The following GATD1 variants were observed in gnomAD, a reference collection of about 807,000 sequenced individuals.
The protein encoded by GATD1 is glutamine amidotransferase class 1 domain containing 1.
Under a neutral mutation model 25.9 loss-of-function variants are expected in GATD1, and 23 were observed. That is an observed-to-expected ratio of 0.89 (90% CI 0.64 to 1.26). The LOEUF (loss-of-function observed/expected upper bound fraction) is 1.26. Ranked by LOEUF, GATD1 falls within the 50% of genes most tolerant of loss-of-function variation. The pLI is 0.00. For missense variants in GATD1, 347 were observed against 312.5 expected, an observed-to-expected ratio of 1.11 and a Z score of -0.83; for synonymous variants, 177 against 134.6, an observed-to-expected ratio of 1.31 and a Z score of -2.18.
At position 770,461 on chromosome 11, in the gene GATD1, C is replaced by A. The variant is rs1394499804; in HGVS notation, c.*436G>T. On this transcript the variant is annotated 3_prime_UTR_variant, in exon 8 of 8. Coordinates refer to ENST00000319863, the MANE Select transcript of GATD1 (RefSeq NM_182612.4). Reference sequence around the variant, plus strand: ...CCAGCTCCCGCCGGCTGGGCCCTCCCCTCAAGGCCCCCACCAACAGTGAAA... The same window carrying A: ...CCAGCTCCCGCCGGCTGGGCCCTCCACTCAAGGCCCCCACCAACAGTGAAA... The A allele has an allele frequency of 2.2e-5, 32 of 1,465,658 alleles. No individual in the cohort carries two copies. In the Middle Eastern group the frequency reaches 5.7e-4, roughly 26 times the overall value. The allele number at this position is 1,465,658 out of a possible 1,614,324, so 90.8% of individuals were successfully genotyped here.
chr11:773,894 A>G (rs1265269537), intron 3 of GATD1, 114 bp downstream of exon 3: 9 of 927,324 alleles, frequency 9.7e-6, no homozygotes, highest in Non-Finnish European at 1.5e-5. Context: ...CCAAATGGTC[A>G]CAGGGCTTCA....
intron 6 of GATD1, 107 bp from the exon 7 acceptor site, chr11:771,211 G>A: frequency 2.6e-6 from 4 of 1,545,482 alleles, no homozygotes; most frequent in Non-Finnish European, 3.5e-6. Context: ...GCCTGTCTGG[G>A]TCTGAGTCAG....
At chr11:773,034 A>C (rs1374024830) in intron 4 of GATD1, among the ~76,000 whole-genome samples, 1 of 152,218 alleles carries the variant, frequency 6.6e-6, no homozygotes, top group East Asian at 1.9e-4. Flanking sequence ...CTGCCTGTCC[A>C]GGCCATGCTG....
In GATD1 at chr11:777,448, C is replaced by G; in HGVS notation, c.15G>C (p.Arg5=). The G allele has an allele frequency of 8.0e-7, 1 of 1,254,090 alleles. No homozygotes were observed. The highest frequency in any genetic ancestry group is 1.0e-6 in the Non-Finnish European group (1 of 999,168). 77.7% of individuals were successfully genotyped at this position (1,254,090 alleles called of 1,614,324 possible). A position where few individuals can be genotyped will look rare whatever the true frequency, so the allele number is the denominator to read the frequency against. Residue 5 remains arginine (R), a synonymous_variant, in exon 1 of 8, where the codon CGG becomes CGC. Transcript: ENST00000319863. ...GCAGACAGGCGGGCCTGTTAGGGAG[C>G]CGCTCGGACGCCATGGCTCGGGCTC... MASE[R]LPNRPACLLV...
chr11:768,005 C>CATTA lies in GATD1; in HGVS notation c.*2891_*2892insTAAT, dbSNP rs1863151896. ...AAATGGGATTACAGGCGCCCACCAC[C>CATTA]GCGCCCGGCTAATTTCTGTATTTTT... On this transcript the variant is annotated 3_prime_UTR_variant, in exon 8 of 8. Transcript: ENST00000319863. 6.6e-6 allele frequency: 1 copy of CATTA among 152,052 alleles called. No homozygotes were observed. Among genetic ancestry groups the CATTA allele is most frequent in the Non-Finnish European group, 1.5e-5 (1 of 68,046 alleles). The allele number at this position is 152,052 out of a possible 1,614,324, so 9.4% of individuals were successfully genotyped here.
In GATD1 at chr11:769,018, TTGAACCCGGGAGACAGAGGTTGCAG is replaced by T. The variant is rs1863216839; in HGVS notation, c.*1854_*1878del. On this transcript the variant is annotated 3_prime_UTR_variant, in exon 8 of 8. Coordinates refer to ENST00000319863, the MANE Select transcript of GATD1 (RefSeq NM_182612.4). Reference sequence around the variant, plus strand: ...CCGGAGGCTGAGGCAGGAGAATCGCTTGAACCCGGGAGACAGAGGTTGCAGTGAGCCAAGATTGTGCCACTGCACT... The same window carrying T: ...CCGGAGGCTGAGGCAGGAGAATCGCTTGAGCCAAGATTGTGCCACTGCACT... 2.0e-6 allele frequency: 1 copy of T among 510,846 alleles called. No homozygotes were observed. The highest frequency in any genetic ancestry group is 8.3e-5 in the South Asian group (1 of 12,108). 31.6% of individuals were successfully genotyped at this position (510,846 alleles called of 1,614,324 possible). A position where few individuals can be genotyped will look rare whatever the true frequency, so the allele number is the denominator to read the frequency against.
rs1336714088 is a variant in GATD1, at chr11:769,711, G to A, written c.*1186C>T. The A allele has an allele frequency of 4.3e-5, 7 of 163,656 alleles. No individual in the cohort carries two copies. Among genetic ancestry groups the A allele is most frequent in the South Asian group, 2.0e-4 (1 of 5,074 alleles). 10.1% of individuals were successfully genotyped at this position (163,656 alleles called of 1,614,324 possible). ...TGCAAGCTCTGCCTCCCAGGTTCAC[G>A]CCATTCTCCTGCCTCAGCCTCCCAA... is the stretch of plus-strand genomic sequence containing the variant. On this transcript the variant is annotated 3_prime_UTR_variant, in exon 8 of 8. Transcript: ENST00000319863.
At chr11:773,674 A>G (rs1262157882) in intron 3 of GATD1, 45 bp from the exon 4 acceptor site, 1 of 1,449,568 alleles carries the variant, frequency 6.9e-7, no homozygotes, top group East Asian at 2.3e-5. Context: ...TGTCAAAGTG[A>G]GACTACCTGC....
chr11:775,022 G>A lies in GATD1; in HGVS notation c.141+44C>T. ...CTGACCTTGCCCCCGGAGAGGTGGA[G>A]ACAGACCCCAAGTGTCCAGTGGGGA... On this transcript the variant is annotated intron_variant, in intron 2 of 7. Transcript: ENST00000319863. 4 of 1,548,074 alleles carry A rather than the reference G, an allele frequency of 2.6e-6. No individual in the cohort carries two copies. The South Asian group carries it at 4.7e-5, about 18-fold the overall frequency.
rs1221739345 is a variant in GATD1, at chr11:770,395, G to T, written c.*502C>A. The stretch of plus-strand genomic sequence containing the variant: ...GTCGGCCTTGGGGCAGGAGGCTGCT[G>T]CTCCTAAAAAATTCCGTTCACCTTT... On this transcript the variant is annotated 3_prime_UTR_variant, in exon 8 of 8. Coordinates refer to ENST00000319863, the MANE Select transcript of GATD1 (RefSeq NM_182612.4). 6.6e-7 allele frequency: 1 copy of T among 1,524,302 alleles called. No individual in the cohort carries two copies. Among genetic ancestry groups the T allele is most frequent in the African/African-American group, 1.4e-5 (1 of 72,294 alleles). The allele number at this position is 1,524,302 out of a possible 1,614,324, so 94.4% of individuals were successfully genotyped here.
Position 767,235 on chromosome 11 carries a change from G to A in GATD1, c.*3662C>T. The stretch of plus-strand genomic sequence containing the variant: ...ACCAGGACACCATTTGCATGCTGCT[G>A]CATGGTTTTATTCCTCATGGGTAGA... On this transcript the variant is annotated 3_prime_UTR_variant, in exon 8 of 8. Transcript: ENST00000319863. 1 of 1,535,602 alleles carries A rather than the reference G, an allele frequency of 6.5e-7. No homozygotes were observed. Among genetic ancestry groups the A allele is most frequent in the Non-Finnish European group, 8.7e-7 (1 of 1,146,632 alleles).
chr11:769,145 C>T lies in GATD1; in HGVS notation c.*1752G>A, dbSNP rs577918385. 5 of 985,364 alleles carry T rather than the reference C, an allele frequency of 5.1e-6. No individual in the cohort carries two copies. In the South Asian group the frequency reaches 2.3e-4, roughly 46 times the overall value. 61.0% of individuals were successfully genotyped at this position (985,364 alleles called of 1,614,324 possible). A position where few individuals can be genotyped will look rare whatever the true frequency, so the allele number is the denominator to read the frequency against. On this transcript the variant is annotated 3_prime_UTR_variant, in exon 8 of 8. Coordinates refer to ENST00000319863, the MANE Select transcript of GATD1 (RefSeq NM_182612.4). ...AAAGCATTTGTCCACAGAGGTCCAT[C>T]ACCACACGGGGATGAGAGTGGACCC... is the stretch of plus-strand genomic sequence containing the variant.
At position 770,478 on chromosome 11, in the gene GATD1, A is replaced by C; in HGVS notation, c.*419T>G. 2.1e-6 allele frequency: 3 copies of C among 1,445,526 alleles called. No homozygotes were observed. The South Asian group carries it at 4.2e-5, about 20-fold the overall frequency. The allele number at this position is 1,445,526 out of a possible 1,614,324, so 89.5% of individuals were successfully genotyped here. On this transcript the variant is annotated 3_prime_UTR_variant, in exon 8 of 8. Transcript: ENST00000319863. ...GGCCCTCCCCTCAAGGCCCCCACCAACAGTGAAAGAGGTGGTGGGTGGCAG... is the reference window on the plus strand; with the variant it reads ...GGCCCTCCCCTCAAGGCCCCCACCACCAGTGAAAGAGGTGGTGGGTGGCAG...
intron 5 of GATD1, among the ~76,000 whole-genome samples, chr11:771,818 G>A (rs777435649): frequency 3.9e-5 from 6 of 152,132 alleles, no homozygotes; most frequent in Non-Finnish European, 8.8e-5. Context: ...GACTGGGTTG[G>A]TGTCACCCCT....
Position 770,462 on chromosome 11 carries a change from C to T in GATD1, c.*435G>A, listed in dbSNP as rs1433784153. On this transcript the variant is annotated 3_prime_UTR_variant, in exon 8 of 8. Coordinates refer to ENST00000319863, the MANE Select transcript of GATD1 (RefSeq NM_182612.4). ...CAGCTCCCGCCGGCTGGGCCCTCCCCTCAAGGCCCCCACCAACAGTGAAAG... is the reference window on the plus strand; with the variant it reads ...CAGCTCCCGCCGGCTGGGCCCTCCCTTCAAGGCCCCCACCAACAGTGAAAG... 2.0e-6 allele frequency: 3 copies of T among 1,465,550 alleles called. No homozygotes were observed. The Admixed American group carries it at 7.0e-5, about 34-fold the overall frequency. The allele number at this position is 1,465,550 out of a possible 1,614,324, so 90.8% of individuals were successfully genotyped here. A position where few individuals can be genotyped will look rare whatever the true frequency, so the allele number is the denominator to read the frequency against.
Position 769,779 on chromosome 11 carries a change from T to G in GATD1, c.*1118A>C. On this transcript the variant is annotated 3_prime_UTR_variant, in exon 8 of 8. Coordinates refer to ENST00000319863, the MANE Select transcript of GATD1 (RefSeq NM_182612.4). ...CACCCACCACCATGCCAGGCTAACTTTTTGTATTTTTGTTTTTTAGTAGAG... is the reference window on the plus strand; with the variant it reads ...CACCCACCACCATGCCAGGCTAACTGTTTGTATTTTTGTTTTTTAGTAGAG... 8.2e-5 allele frequency: 28 copies of G among 343,054 alleles called. No homozygotes were observed. Among genetic ancestry groups the G allele is most frequent in the Non-Finnish European group, 1.1e-4 (27 of 243,020 alleles). 21.3% of individuals were successfully genotyped at this position (343,054 alleles called of 1,614,324 possible).
At chr11:776,282 CTTCATTCTTATATAAGTTAA>C (rs1371830909) in intron 1 of GATD1, among the ~76,000 whole-genome samples, 1 of 152,094 alleles carries the variant, frequency 6.6e-6, no homozygotes, top group Non-Finnish European at 1.5e-5. Context: ...CGCCCAGACT[CTTCATTCTTATATAAGTTAA>C]TACATATTCA....
chr11:770,475 C>G lies in GATD1; in HGVS notation c.*422G>C. On this transcript the variant is annotated 3_prime_UTR_variant, in exon 8 of 8. Transcript: ENST00000319863. ...CTGGGCCCTCCCCTCAAGGCCCCCA[C>G]CAACAGTGAAAGAGGTGGTGGGTGG... is the stretch of plus-strand genomic sequence containing the variant. 1 of 1,450,322 alleles carries G rather than the reference C, an allele frequency of 6.9e-7. No homozygotes were observed. Among genetic ancestry groups the G allele is most frequent in the Non-Finnish European group, 9.1e-7 (1 of 1,101,430 alleles). The allele number at this position is 1,450,322 out of a possible 1,614,324, so 89.8% of individuals were successfully genotyped here.
chr11:776,632 C>G (rs1268500401), intron 1 of GATD1: 4 of 152,448 alleles, frequency 2.6e-5, no homozygotes, highest in Admixed American at 6.5e-5. Context: ...ACTTGAGGAG[C>G]TACAGACTTC....
Sources: allele counts gnomAD v4.1 joint callset (sites outside exome capture counted in the v4.1 genomes callset), GRCh38; gene constraint gnomAD v4.1.1; transcripts MANE v1.5; gene names NCBI Gene and HGNC (gene_info 2026-07-23, HGNC 2026-07-21).